DIRAS1: variants seen among roughly 807,000 people sequenced by gnomAD.
DIRAS1 encodes the protein DIRAS family GTPase 1.
A neutral mutation model predicts 11.5 loss-of-function variants in DIRAS1; 3 were observed. The ratio of observed to expected loss-of-function variants is 0.26; its 90% CI spans 0.12 to 0.67. The LOEUF is 0.67. Among genes scored for constraint, DIRAS1 ranks in the 30% least tolerant of loss-of-function variants. The probability of loss-of-function intolerance (pLI) is 0.80; values close to 1 mark genes in which losing one functional copy is unlikely to be tolerated. For missense variants in DIRAS1, 212 were observed against 285.3 expected, an observed-to-expected ratio of 0.74 and a Z score of 1.85; for synonymous variants, 128 against 125.8, an observed-to-expected ratio of 1.02 and a Z score of -0.12.
Position 2,716,802 on chromosome 19 carries a change from A to G in DIRAS1, c.*408T>C, listed in dbSNP as rs1214829649. On this transcript the variant is annotated 3_prime_UTR_variant, in exon 2 of 2. Transcript: ENST00000323469. ...CCCCCTCCCCCAGAAGGTCACAGTG[A>G]TCAAATGTGAGGGACAGGACGCGCA... 1.0e-5 allele frequency: 2 copies of G among 199,084 alleles called. No homozygotes were observed. The highest frequency in any genetic ancestry group is 2.0e-5 in the Non-Finnish European group (2 of 98,552). The allele number at this position is 199,084 out of a possible 1,614,324, so 12.3% of individuals were successfully genotyped here.
At chr19:2,719,464 C>T (rs1226242832) in intron 1 of DIRAS1, among the ~76,000 whole-genome samples, 1 of 143,094 alleles carries the variant, frequency 7.0e-6, no homozygotes, top group African/African-American at 2.6e-5. Flanking sequence ...GGAGGTCACA[C>T]AGCACAGCAG....
At chr19:2,720,686 G>A (rs1913931757) in intron 1 of DIRAS1, among the ~76,000 whole-genome samples, 1 of 152,158 alleles carries the variant, frequency 6.6e-6, no homozygotes, top group Non-Finnish European at 1.5e-5. Flanking sequence ...TCAAAGCAAA[G>A]CTCAGGGTCA....
In DIRAS1 at chr19:2,718,413, C is replaced by G. The variant is rs1489464850; in HGVS notation, c.-69-538G>C. 2.6e-5 allele frequency among the ~76,000 whole-genome samples: 4 copies of G among 152,260 alleles called. No homozygotes were observed. Among genetic ancestry groups the G allele is most frequent in the African/African-American group, 9.6e-5 (4 of 41,474 alleles). On this transcript the variant is annotated intron_variant, in intron 1 of 1. Coordinates refer to ENST00000323469, the MANE Select transcript of DIRAS1 (RefSeq NM_145173.4). The surrounding 1 kb of genome is among the most constrained non-coding windows in gnomAD (Gnocchi z 4.2). ...CAGAGATGGCCAATCCTCATGGAAG[C>G]CGCACATGGTCGGGTGTTTAAGATG... is the stretch of plus-strand genomic sequence containing the variant.
In DIRAS1 at chr19:2,715,374, C is replaced by G. The variant is rs1169622268; in HGVS notation, c.*1836G>C. ...CCCTCACTAACTTAGCTGCCATGCT[C>G]CGAGCCCCGCTGTGGAGAGACCCAC... On this transcript the variant is annotated 3_prime_UTR_variant, in exon 2 of 2. Transcript: ENST00000323469. The G allele has an allele frequency of 2.0e-5, 3 of 152,244 alleles. No individual in the cohort carries two copies. Among genetic ancestry groups the G allele is most frequent in the Non-Finnish European group, 4.4e-5 (3 of 68,086 alleles). The allele number at this position is 152,244 out of a possible 1,614,324, so 9.4% of individuals were successfully genotyped here.
intron 1 of DIRAS1, among the ~76,000 whole-genome samples, chr19:2,720,985 G>A (rs1224547173): frequency 6.6e-6 from 1 of 151,106 alleles, no homozygotes; most frequent in South Asian, 2.1e-4. Context: ...GGCTGCAGGA[G>A]GGAGGAGGCC....
chr19:2,717,464 GGATGTCCTC>G lies in DIRAS1; in HGVS notation c.334_342del (p.Glu112_Ile114del). On this transcript the variant is annotated inframe_deletion, in exon 2 of 2. Transcript: ENST00000323469. ...CACTTGTTGCCCACGAGCATCACGGGGATGTCCTCCACGCTGCCCTTGATCTGCACGATG... is the reference window on the plus strand; with the variant it reads ...CACTTGTTGCCCACGAGCATCACGGGCACGCTGCCCTTGATCTGCACGATG... 6.2e-7 allele frequency: 1 copy of G among 1,611,152 alleles called. No individual in the cohort carries two copies. Among genetic ancestry groups the G allele is most frequent in the Non-Finnish European group, 8.5e-7 (1 of 1,179,990 alleles).
rs536824348 is a variant in DIRAS1 at position 2,720,140 on chromosome 19, G to A, written c.-70+1164C>T. Among the ~76,000 whole-genome samples the A allele has an allele frequency of 2.0e-5, 3 of 152,096 alleles. No homozygotes were observed. In the East Asian group the frequency reaches 5.8e-4, roughly 29 times the overall value. On this transcript the variant is annotated intron_variant, in intron 1 of 1. Coordinates refer to ENST00000323469, the MANE Select transcript of DIRAS1 (RefSeq NM_145173.4). ...GGAGGAGGCTGGGGGTGCTGGTGGT[G>A]GGGGGGAGGCGGCCTGTGCTGCAGA...
chr19:2,718,198 G>A lies in DIRAS1; in HGVS notation c.-69-323C>T, dbSNP rs1248957979. ...CGGGTGTGGGTGTCCCTTCCAGGCT[G>A]TGCCAGCTTCCCCCTCTCTTCCCAG... is the stretch of plus-strand genomic sequence containing the variant. On this transcript the variant is annotated intron_variant, in intron 1 of 1. Coordinates refer to ENST00000323469, the MANE Select transcript of DIRAS1 (RefSeq NM_145173.4). This position sits in a 1 kb window ranked among gnomAD's most constrained non-coding sequence, Gnocchi z 4.2. Among the ~76,000 whole-genome samples, 3 of 152,226 alleles carry A rather than the reference G, an allele frequency of 2.0e-5. No individual in the cohort carries two copies. Among genetic ancestry groups the A allele is most frequent in the Non-Finnish European group, 4.4e-5 (3 of 68,036 alleles).
In DIRAS1 at chr19:2,716,937, C is replaced by T. The variant is rs1368021558; in HGVS notation, c.*273G>A. On this transcript the variant is annotated 3_prime_UTR_variant, in exon 2 of 2. Coordinates refer to ENST00000323469, the MANE Select transcript of DIRAS1 (RefSeq NM_145173.4). ...CTTGCCAGCTCCCCATCCTGTTTTC[C>T]CATCTGCAGGACAAGGGGGCCACCT... The T allele has an allele frequency of 2.3e-6, 1 of 433,146 alleles. No individual in the cohort carries two copies. The allele number at this position is 433,146 out of a possible 1,614,324, so 26.8% of individuals were successfully genotyped here.
rs1431280677 is a variant in DIRAS1 at position 2,714,616 on chromosome 19, G to C, written c.*2594C>G. On this transcript the variant is annotated 3_prime_UTR_variant, in exon 2 of 2. Coordinates refer to ENST00000323469, the MANE Select transcript of DIRAS1 (RefSeq NM_145173.4). ...TTTTATTGCAGGAAGACTATGTCTAGAGCGAAGGCTACACAGACCCCACGA... is the reference window on the plus strand; with the variant it reads ...TTTTATTGCAGGAAGACTATGTCTACAGCGAAGGCTACACAGACCCCACGA... 1 of 152,668 alleles carries C rather than the reference G, an allele frequency of 6.6e-6. No homozygotes were observed. The highest frequency in any genetic ancestry group is 2.4e-5 in the African/African-American group (1 of 41,454). 9.5% of individuals were successfully genotyped at this position (152,668 alleles called of 1,614,324 possible).
chr19:2,721,194 C>G (rs1013941386), intron 1 of DIRAS1, 110 bp downstream of exon 1: 1 of 148,984 alleles, frequency 6.7e-6, no homozygotes, highest in Non-Finnish European at 1.5e-5. Context: ...GGGAAGGGCC[C>G]GGCCCCAAGG....
rs755417061 is a variant in DIRAS1, at chr19:2,717,476, C to T, written c.331G>A (p.Val111Met). The T allele has an allele frequency of 3.1e-6, 5 of 1,611,892 alleles. No homozygotes were observed. Among genetic ancestry groups the T allele is most frequent in the South Asian group, 1.1e-5 (1 of 91,090 alleles). ...YKLIVQIKGS[V>M]EDIPVMLVGN... ...ACGAGCATCACGGGGATGTCCTCCACGCTGCCCTTGATCTGCACGATGAGC... is the reference window on the plus strand; with the variant it reads ...ACGAGCATCACGGGGATGTCCTCCATGCTGCCCTTGATCTGCACGATGAGC... The change falls in exon 2 of 2, where the codon GTG becomes ATG. Residue 111 changes from valine (V) to methionine (M), a missense_variant. Physicochemically the swap from Val to Met is conservative, Grantham distance 21. Around this residue, in one of 2 missense-constraint regions of DIRAS1, gnomAD observed 128 missense variants for 205.3 expected, o/e 0.62. Coordinates refer to ENST00000323469, the MANE Select transcript of DIRAS1 (RefSeq NM_145173.4).
In DIRAS1 at chr19:2,717,077, G is replaced by A; in HGVS notation, c.*133C>T. 1.0e-6 allele frequency: 1 copy of A among 971,396 alleles called. No homozygotes were observed. The highest frequency in any genetic ancestry group is 1.5e-6 in the Non-Finnish European group (1 of 672,140). 60.2% of individuals were successfully genotyped at this position (971,396 alleles called of 1,614,324 possible). ...GGCAGGGGCAGCGGAGGGGGGGGCG[G>A]TGGCCTCGGTTTCCCCAGCCGAGGT... On this transcript the variant is annotated 3_prime_UTR_variant, in exon 2 of 2. Coordinates refer to ENST00000323469, the MANE Select transcript of DIRAS1 (RefSeq NM_145173.4).
rs937182152 is a variant in DIRAS1 at position 2,718,050 on chromosome 19, G to C, written c.-69-175C>G. On this transcript the variant is annotated intron_variant, in intron 1 of 1. Coordinates refer to ENST00000323469, the MANE Select transcript of DIRAS1 (RefSeq NM_145173.4). This position sits in a 1 kb window ranked among gnomAD's most constrained non-coding sequence, Gnocchi z 4.2. ...GACTTTGCAGTTCTGTCCCACAGGC[G>C]GGCGCACAGCCAACACCCTTTGCTT... 2 of 570,196 alleles carry C rather than the reference G, an allele frequency of 3.5e-6. No homozygotes were observed. Among genetic ancestry groups the C allele is most frequent in the South Asian group, 2.4e-5 (1 of 42,218 alleles). The allele number at this position is 570,196 out of a possible 1,614,324, so 35.3% of individuals were successfully genotyped here. A position where few individuals can be genotyped will look rare whatever the true frequency, so the allele number is the denominator to read the frequency against.
In DIRAS1 at chr19:2,717,069, G is replaced by GT. The variant is rs1304790855; in HGVS notation, c.*140_*141insA. 12 of 765,366 alleles carry GT rather than the reference G, an allele frequency of 1.6e-5. No homozygotes were observed. In the African/African-American group the frequency reaches 2.1e-4, roughly 13 times the overall value. The allele number at this position is 765,366 out of a possible 1,614,324, so 47.4% of individuals were successfully genotyped here. A position where few individuals can be genotyped will look rare whatever the true frequency, so the allele number is the denominator to read the frequency against. On this transcript the variant is annotated 3_prime_UTR_variant, in exon 2 of 2. Transcript: ENST00000323469. Reference sequence around the variant, plus strand: ...TCGGGGTGGGCAGGGGCAGCGGAGGGGGGGGCGGTGGCCTCGGTTTCCCCA... The same window carrying GT: ...TCGGGGTGGGCAGGGGCAGCGGAGGGTGGGGGCGGTGGCCTCGGTTTCCCCA...
intron 1 of DIRAS1, chr19:2,719,009 C>CG (rs1599477357): frequency 2.0e-5 from 3 of 152,066 alleles, no homozygotes; most frequent in African/African-American, 7.3e-5. Flanking sequence ...TCAGTAGAGA[C>CG]GGGGTTTCGC....
chr19:2,717,051 G>A lies in DIRAS1; in HGVS notation c.*159C>T. 1.4e-6 allele frequency: 1 copy of A among 704,996 alleles called. No homozygotes were observed. Among genetic ancestry groups the A allele is most frequent in the Non-Finnish European group, 2.3e-6 (1 of 436,552 alleles). The allele number at this position is 704,996 out of a possible 1,614,324, so 43.7% of individuals were successfully genotyped here. On this transcript the variant is annotated 3_prime_UTR_variant, in exon 2 of 2. Coordinates refer to ENST00000323469, the MANE Select transcript of DIRAS1 (RefSeq NM_145173.4). ...AAAAGCCCCAGCCCTGCCTCGGGGT[G>A]GGCAGGGGCAGCGGAGGGGGGGGCG...
Position 2,717,621 on chromosome 19 carries a change from G to A in DIRAS1, c.186C>T (p.Thr62=), listed in dbSNP as rs1913854505. 4 of 1,613,282 alleles carry A rather than the reference G, an allele frequency of 2.5e-6. No individual in the cohort carries two copies. The highest frequency in any genetic ancestry group is 3.4e-6 in the Non-Finnish European group (4 of 1,179,956). Residue 62 remains threonine (T), a synonymous_variant, in exon 2 of 2, where the codon ACC becomes ACT. Coordinates refer to ENST00000323469, the MANE Select transcript of DIRAS1 (RefSeq NM_145173.4). ...KSVCTLQITD[T]TGSHQFPAMQ... ...TGGCCGGGAACTGGTGGCTGCCGGT[G>A]GTGTCTGTGATCTGCAGCGTGCACA...
Position 2,716,464 on chromosome 19 carries a change from T to C in DIRAS1, c.*746A>G, listed in dbSNP as rs1007358810. ...AGAGGCGGGTCCCGGGTGGGCGGTGTCCGGGAAGCCCCTCCACGCCCATGG... is the reference window on the plus strand; with the variant it reads ...AGAGGCGGGTCCCGGGTGGGCGGTGCCCGGGAAGCCCCTCCACGCCCATGG... On this transcript the variant is annotated 3_prime_UTR_variant, in exon 2 of 2. Coordinates refer to ENST00000323469, the MANE Select transcript of DIRAS1 (RefSeq NM_145173.4). 6.6e-6 allele frequency: 1 copy of C among 151,388 alleles called. No homozygotes were observed. Among genetic ancestry groups the C allele is most frequent in the African/African-American group, 2.4e-5 (1 of 40,996 alleles). The allele number at this position is 151,388 out of a possible 1,614,324, so 9.4% of individuals were successfully genotyped here.
Sources: gnomAD v4.1 joint callset for allele counts (sites outside exome capture counted in the v4.1 genomes callset) on GRCh38, gnomAD v4.1.1 for gene constraint, gnomAD v4.1.1 regional missense constraint, Gnocchi (gnomAD v3.1) non-coding constraint, MANE v1.5 for transcripts, NCBI Gene and HGNC (gene_info 2026-07-23, HGNC 2026-07-21) for gene names.